The following DGKA variants were observed in gnomAD, a reference collection of about 807,000 sequenced individuals.
DGKA encodes diacylglycerol kinase alpha, also known as 80 kDa diacylglycerol kinase.
In DGKA, 35 loss-of-function variants were observed where a neutral mutation model predicts 105.0. The ratio of observed to expected loss-of-function variants is 0.33; its 90% confidence interval spans 0.25 to 0.44. The LOEUF (loss-of-function observed/expected upper bound fraction) is 0.44, where lower values mean the gene tolerates loss of function less well. Among genes scored for constraint, DGKA ranks in the 20% least tolerant of loss-of-function variants. The probability of loss-of-function intolerance (pLI) is 1.00; values close to 1 mark genes in which losing one functional copy is unlikely to be tolerated. For missense variants in DGKA, 665 were observed against 915.0 expected, an observed-to-expected ratio of 0.73 and a Z score of 3.53; for synonymous variants, 296 against 332.0, an observed-to-expected ratio of 0.89 and a Z score of 1.18.
chr12:55,945,650 T>C (rs1886838053), intron 17 of DGKA, among the ~76,000 whole-genome samples: 1 of 152,154 alleles, frequency 6.6e-6, no homozygotes, highest in Non-Finnish European at 1.5e-5. Context: ...ACCAGTGGTC[T>C]TATCACTCCA....
chr12:55,942,889 G>A (rs1363669581), intron 17 of DGKA, among the ~76,000 whole-genome samples: 2 of 152,090 alleles, frequency 1.3e-5, no homozygotes, highest in Non-Finnish European at 2.9e-5. Flanking sequence ...ATAGAGATCT[G>A]CTAAGGGCAG....
At chr12:55,949,279 C>T (rs1243066550) in intron 17 of DGKA, among the ~76,000 whole-genome samples, 2 of 151,950 alleles carry the variant, frequency 1.3e-5, no homozygotes, top group East Asian at 3.9e-4. Context: ...CTCCCTGCAA[C>T]CTCTGCCTCC....
Position 55,940,059 on chromosome 12 carries a change from C to G in DGKA, c.710-23C>G, listed in dbSNP as rs1885577716. 2 of 1,606,526 alleles carry G rather than the reference C, an allele frequency of 1.2e-6. No individual in the cohort carries two copies. The highest frequency in any genetic ancestry group is 2.7e-5 in the African/African-American group (2 of 74,754). On this transcript the variant is annotated intron_variant, in intron 9 of 23. Coordinates refer to ENST00000331886, the MANE Select transcript of DGKA (RefSeq NM_001345.5). This position sits in a 1 kb window ranked among gnomAD's most constrained non-coding sequence, Gnocchi z 4.3. ...AGGGGGAGAGGCTCAGCTAAGCCTC[C>G]CAACTTCTTCCTTCTCCCTCAGTCT...
In DGKA at chr12:55,953,665, T is replaced by C. The variant is rs368375866; in HGVS notation, c.2125-20T>C. 3.7e-6 allele frequency: 6 copies of C among 1,610,892 alleles called. No homozygotes were observed. In the African/African-American group the frequency reaches 8.0e-5, roughly 22 times the overall value. On this transcript the variant is annotated intron_variant, in intron 23 of 23. Transcript: ENST00000331886. ...CAAAGTATCAGGTCCTGCCTCTGAATGTGCTCCCTTCCCTTCCAGATCAAG... is the reference window on the plus strand; with the variant it reads ...CAAAGTATCAGGTCCTGCCTCTGAACGTGCTCCCTTCCCTTCCAGATCAAG...
At chr12:55,936,290 GT>G (rs1447361991) in intron 1 of DGKA, 132 bp from the exon 2 acceptor site, 3 of 1,021,124 alleles carry the variant, frequency 2.9e-6, no homozygotes, top group Non-Finnish European at 4.1e-6. Flanking sequence ...AAAGGAAGAT[GT>G]TTAGGGAGGG....
intron 16 of DGKA, 31 bp downstream of exon 16, chr12:55,942,114 T>C (rs774601530): frequency 2.2e-5 from 35 of 1,613,858 alleles, no homozygotes; most frequent in Non-Finnish European, 3.0e-5. Context: ...GGGGAAGGTA[T>C]TGGGGTCGTA....
intron 17 of DGKA, among the ~76,000 whole-genome samples, chr12:55,950,483 T>A (rs1358824791): frequency 6.7e-6 from 1 of 150,198 alleles, no homozygotes; most frequent in Non-Finnish European, 1.5e-5. Context: ...ATTTTTTGTA[T>A]TTTTAGTAGA....
intron 5 of DGKA, 163 bp from the exon 6 acceptor site, chr12:55,938,348 G>A (rs1885185077): frequency 5.7e-6 from 5 of 883,578 alleles, no homozygotes; most frequent in Admixed American, 2.2e-5. Context: ...TAGAGTCCAT[G>A]CCTGTTTTCC....
In DGKA at chr12:55,952,593, C is replaced by A; in HGVS notation, c.1744-141C>A. On this transcript the variant is annotated intron_variant, in intron 20 of 23. Coordinates refer to ENST00000331886, the MANE Select transcript of DGKA (RefSeq NM_001345.5). The surrounding 1 kb of genome is among the most constrained non-coding windows in gnomAD (Gnocchi z 5.1). ...CTCCAAGTCCTCAAGATACACTAGT[C>A]CCTATTTCCATTCCTTGCACACCTC... 8.4e-7 allele frequency: 1 copy of A among 1,192,266 alleles called. No individual in the cohort carries two copies. The highest frequency in any genetic ancestry group is 1.2e-6 in the Non-Finnish European group (1 of 815,884). 73.9% of individuals were successfully genotyped at this position (1,192,266 alleles called of 1,614,324 possible).
intron 17 of DGKA, among the ~76,000 whole-genome samples, chr12:55,950,352 G>A (rs1462935551): frequency 6.6e-6 from 1 of 150,742 alleles, no homozygotes; most frequent in Non-Finnish European, 1.5e-5. Flanking sequence ...TGTCACCCAG[G>A]CTGGAGTGCA....
intron 14 of DGKA, 27 bp from the exon 15 acceptor site, chr12:55,941,483 A>G (rs781251538): frequency 1.2e-6 from 2 of 1,613,630 alleles, no homozygotes; most frequent in East Asian, 2.2e-5. Context: ...CGCGCCTGCC[A>G]TGAACTTTTC....
intron 15 of DGKA, 82 bp downstream of exon 15, chr12:55,941,666 G>A: frequency 7.0e-7 from 1 of 1,429,180 alleles, no homozygotes. Context: ...AGGAAAGAGT[G>A]CAGATTGGGA....
At chr12:55,933,027 A>G (rs1037465571) in intron 1 of DGKA, 6 of 159,904 alleles carry the variant, frequency 3.8e-5, no homozygotes, top group African/African-American at 1.4e-4. Context: ...GAATGTGAGC[A>G]ATGAACGCTT....
chr12:55,938,123 C>A, intron 5 of DGKA, 71 bp downstream of exon 5: 1 of 1,383,986 alleles, frequency 7.2e-7, no homozygotes. Context: ...TCCTCCTTTC[C>A]CTTATTCCTT....
At position 55,940,838 on chromosome 12, in the gene DGKA, CTATT is replaced by C; in HGVS notation, c.1018-56_1018-53del. ...CTTTTAGGATTCAAGTCAGACCCCT[CTATT>C]TAGGGATTCATGCACAATACAGCTT... On this transcript the variant is annotated intron_variant, in intron 12 of 23. Transcript: ENST00000331886. This position sits in a 1 kb window ranked among gnomAD's most constrained non-coding sequence, Gnocchi z 4.3. 1 of 1,599,052 alleles carries C rather than the reference CTATT, an allele frequency of 6.3e-7. No homozygotes were observed. Among genetic ancestry groups the C allele is most frequent in the Non-Finnish European group, 8.6e-7 (1 of 1,166,898 alleles).
chr12:55,939,635 G>A, intron 9 of DGKA, 106 bp downstream of exon 9: 1 of 1,059,030 alleles, frequency 9.4e-7, no homozygotes. Flanking sequence ...CCTGGGCTCT[G>A]CCACTGACTA....
At chr12:55,931,985 G>C (rs994905722) in intron 1 of DGKA, 5 of 148,032 alleles carry the variant, frequency 3.4e-5, no homozygotes, top group South Asian at 2.1e-4. Flanking sequence ...AGGCTGGGGT[G>C]GGGGGCGGGC....
At chr12:55,941,489 T>G (rs1885984755) in intron 14 of DGKA, 21 bp from the exon 15 acceptor site, 1 of 1,613,846 alleles carries the variant, frequency 6.2e-7, no homozygotes. Flanking sequence ...TGCCATGAAC[T>G]TTTCTTTTTC....
chr12:55,945,147 T>G (rs929978158), intron 17 of DGKA, among the ~76,000 whole-genome samples: 2 of 152,168 alleles, frequency 1.3e-5, no homozygotes, highest in African/African-American at 4.8e-5. Flanking sequence ...AAGACCAGTT[T>G]AAGGAAGAAA....
Sources: allele counts gnomAD v4.1 joint callset (sites outside exome capture counted in the v4.1 genomes callset), GRCh38; gene constraint gnomAD v4.1.1; non-coding constraint Gnocchi (gnomAD v3.1); transcripts MANE v1.5; gene names NCBI Gene and HGNC (gene_info 2026-07-23, HGNC 2026-07-21).